The following PAIP2 variants were observed in gnomAD, a reference collection of about 807,000 sequenced individuals.
PAIP2 encodes the protein polyadenylate-binding protein-interacting protein 2.
Under a neutral mutation model 14.8 loss-of-function variants are expected in PAIP2, and 7 were observed. The ratio of observed to expected loss-of-function variants is 0.47; its 90% CI spans 0.27 to 0.89. The LOEUF is 0.89. PAIP2 is among the 40% of genes least tolerant of loss of function. The pLI is 0.13. For missense variants in PAIP2, 122 were observed against 154.7 expected (o/e 0.79, Z 1.12); for synonymous variants, 47 against 45.3 (o/e 1.04, Z -0.15).
At chr5:139,352,114 A>G (rs1160633381) in intron 1 of PAIP2, among the ~76,000 whole-genome samples, 2 of 152,096 alleles carry the variant, frequency 1.3e-5, no homozygotes, top group Non-Finnish European at 2.9e-5. Context: ...CATGACACTC[A>G]AAATTTCAGA....
At chr5:139,359,259 C>T (rs1215699127) in intron 1 of PAIP2, among the ~76,000 whole-genome samples, 1 of 152,146 alleles carries the variant, frequency 6.6e-6, no homozygotes, top group Admixed American at 6.6e-5. Flanking sequence ...GCCTCAGCCT[C>T]CTGTGTAGCT....
At position 139,365,174 on chromosome 5, in the gene PAIP2, T is replaced by C. The variant is rs548229245; in HGVS notation, c.318+431T>C. On this transcript the variant is annotated intron_variant, in intron 3 of 3. Transcript: ENST00000265192. ...ATAAATAAATAAATAAATAAATAAA[T>C]AAATAAATAGAATAAAAAATACAAA... 4 of 143,892 alleles carry C rather than the reference T, an allele frequency of 2.8e-5. No individual in the cohort carries two copies. The East Asian group carries it at 8.1e-4, about 29-fold the overall frequency. 8.9% of individuals were successfully genotyped at this position (143,892 alleles called of 1,614,324 possible).
At chr5:139,344,066 A>G (rs1756464587) in intron 1 of PAIP2, among the ~76,000 whole-genome samples, 1 of 152,210 alleles carries the variant, frequency 6.6e-6, no homozygotes, top group Admixed American at 6.5e-5. Flanking sequence ...ATATAACAAT[A>G]ATGCCAGGCA....
intron 1 of PAIP2, among the ~76,000 whole-genome samples, chr5:139,346,529 C>T (rs1485051237): frequency 6.6e-6 from 1 of 150,670 alleles, no homozygotes; most frequent in Admixed American, 6.6e-5. Context: ...AGCCACCGCA[C>T]CTGGCCTATT....
chr5:139,348,989 T>C, intron 1 of PAIP2, among the ~76,000 whole-genome samples: 1 of 152,296 alleles, frequency 6.6e-6, no homozygotes, highest in African/African-American at 2.4e-5. Flanking sequence ...GTGATGAATT[T>C]AGTAAAATAT....
chr5:139,345,504 G>A lies in PAIP2; in HGVS notation c.-27+3524G>A, dbSNP rs905010228. On this transcript the variant is annotated intron_variant, in intron 1 of 3. Coordinates refer to ENST00000265192, the MANE Select transcript of PAIP2 (RefSeq NM_016480.5). ...TTAAACGTATATATGCGTAAAATAC[G>A]ATTAAAAAATATGCAAATAAGGTAA... is the stretch of plus-strand genomic sequence containing the variant. Among the ~76,000 whole-genome samples the A allele has an allele frequency of 3.9e-5, 6 of 152,034 alleles. No homozygotes were observed. The South Asian group carries it at 1.2e-3, about 32-fold the overall frequency.
At chr5:139,352,503 T>TTTTTTTTTTTTTTTTTTTTTTTTTTG (rs1422182919) in intron 1 of PAIP2, among the ~76,000 whole-genome samples, 96 of 124,416 alleles carry the variant, frequency 7.7e-4, no homozygotes, top group Non-Finnish European at 1.2e-3. Context: ...TTTTTTGTTG[T>TTTTTTTTTTTTTTTTTTTTTTTTTTG]TTTTTTTTTT....
At chr5:139,351,563 CA>C (rs1756735334) in intron 1 of PAIP2, among the ~76,000 whole-genome samples, 1 of 152,170 alleles carries the variant, frequency 6.6e-6, no homozygotes, top group Admixed American at 6.5e-5. Flanking sequence ...AAGCTGTTAA[CA>C]TTGATGAATT....
chr5:139,350,797 A>G (rs1756706530), intron 1 of PAIP2, among the ~76,000 whole-genome samples: 1 of 152,140 alleles, frequency 6.6e-6, no homozygotes, highest in South Asian at 2.1e-4. Flanking sequence ...GTCCTCTTTC[A>G]GTTTTTGATA....
chr5:139,353,432 T>C (rs1756809205), intron 1 of PAIP2, among the ~76,000 whole-genome samples: 1 of 152,174 alleles, frequency 6.6e-6, no homozygotes, highest in Non-Finnish European at 1.5e-5. Flanking sequence ...GATGATGATA[T>C]ACCCCAGCTG....
intron 1 of PAIP2, among the ~76,000 whole-genome samples, chr5:139,361,595 A>C (rs1381868048): frequency 6.6e-6 from 1 of 152,150 alleles, no homozygotes; most frequent in Non-Finnish European, 1.5e-5. Context: ...TCATGTTATC[A>C]GCTATTGAGT....
At chr5:139,357,095 A>AT (rs953756592) in intron 1 of PAIP2, among the ~76,000 whole-genome samples, 14 of 151,848 alleles carry the variant, frequency 9.2e-5, no homozygotes, top group Non-Finnish European at 2.1e-4. Flanking sequence ...GATTTGACAG[A>AT]TTTTTTTTAA....
chr5:139,359,381 T>C (rs991270515), intron 1 of PAIP2, among the ~76,000 whole-genome samples: 1 of 151,992 alleles, frequency 6.6e-6, no homozygotes, highest in East Asian at 1.9e-4. Context: ...TCAAGTGATC[T>C]GCCCGCCTCA....
chr5:139,353,507 T>G (rs1756813683), intron 1 of PAIP2, among the ~76,000 whole-genome samples: 1 of 152,202 alleles, frequency 6.6e-6, no homozygotes. Flanking sequence ...ATTAACATCT[T>G]AGTTTGTAAC....
chr5:139,355,190 CAG>C (rs1756872657), intron 1 of PAIP2, among the ~76,000 whole-genome samples: 1 of 108,988 alleles, frequency 9.2e-6, no homozygotes, highest in African/African-American at 3.6e-5. Flanking sequence ...TTTTTGGAGA[CAG>C]AGTTTTCACT....
intron 1 of PAIP2, among the ~76,000 whole-genome samples, chr5:139,346,495 C>G (rs1756553863): frequency 6.6e-6 from 1 of 151,810 alleles, no homozygotes; most frequent in Non-Finnish European, 1.5e-5. Context: ...CTTGGCCTCC[C>G]AAAGTGTTGG....
intron 3 of PAIP2, among the ~76,000 whole-genome samples, chr5:139,368,199 G>A (rs1428201690): frequency 2.6e-5 from 4 of 152,226 alleles, no homozygotes; most frequent in Admixed American, 6.5e-5. Context: ...TTAGCTGGGC[G>A]TGGCGGTGGG....
At chr5:139,344,613 G>A (rs1756480764) in intron 1 of PAIP2, among the ~76,000 whole-genome samples, 1 of 152,050 alleles carries the variant, frequency 6.6e-6, no homozygotes, top group Non-Finnish European at 1.5e-5. Context: ...ATATTGGATG[G>A]GCACACGTTT....
In PAIP2 at chr5:139,368,886, T is replaced by TA; in HGVS notation, c.*88_*89insA. The stretch of plus-strand genomic sequence containing the variant: ...AGACTTAATTGTAAAAGCTCTCTTG[T>TA]CACTGTGTTACACTTATGCATTGCC... On this transcript the variant is annotated 3_prime_UTR_variant, in exon 4 of 4. Transcript: ENST00000265192. 1 of 1,017,436 alleles carries TA rather than the reference T, an allele frequency of 9.8e-7. No individual in the cohort carries two copies. The highest frequency in any genetic ancestry group is 2.4e-5 in the East Asian group (1 of 41,710). 63.0% of individuals were successfully genotyped at this position (1,017,436 alleles called of 1,614,324 possible).
Sources: gnomAD v4.1 joint callset for allele counts (sites outside exome capture counted in the v4.1 genomes callset) on GRCh38, gnomAD v4.1.1 for gene constraint, MANE v1.5 for transcripts, NCBI Gene and HGNC (gene_info 2026-07-23, HGNC 2026-07-21) for gene names.